Variants in MAN1A1 observed in about 807,000 individuals in gnomAD.
MAN1A1 encodes the protein mannosyl-oligosaccharide 1,2-alpha-mannosidase IA.
MAN1A1 carries 29 observed loss-of-function variants against 70.8 expected under a neutral mutation model. The observed-to-expected ratio is 0.41, with a 90% CI of 0.31 to 0.56. The LOEUF (loss-of-function observed/expected upper bound fraction) is 0.56, where lower values mean the gene tolerates loss of function less well. MAN1A1 is among the 20% of genes least tolerant of loss of function. The pLI is 0.29. For missense variants in MAN1A1, 747 were observed against 841.3 expected (o/e 0.89, Z 1.39); for synonymous variants, 349 against 330.1 (o/e 1.06, Z -0.62).
intron 5 of MAN1A1, among the ~76,000 whole-genome samples, chr6:119,270,307 AT>A: frequency 6.6e-6 from 1 of 152,224 alleles, no homozygotes. Flanking sequence ...ATTTATGTAT[AT>A]TTAAAATACA....
intron 2 of MAN1A1, among the ~76,000 whole-genome samples, chr6:119,309,654 A>C (rs1465127076): frequency 1.3e-5 from 2 of 152,214 alleles, no homozygotes; most frequent in Non-Finnish European, 2.9e-5. Context: ...CTCACAAAAA[A>C]AGATAAACTG....
chr6:119,181,446 T>C (rs932229489), intron 11 of MAN1A1, among the ~76,000 whole-genome samples: 6 of 93,350 alleles, frequency 6.4e-5, no homozygotes, highest in African/African-American at 2.4e-4. Context: ...ATTCCTAAAA[T>C]ACATGTTTTT....
At chr6:119,213,337 C>A (rs989592308) in intron 6 of MAN1A1, among the ~76,000 whole-genome samples, 8 of 152,142 alleles carry the variant, frequency 5.3e-5, no homozygotes, top group Non-Finnish European at 7.4e-5. Flanking sequence ...CTTCTGCCTA[C>A]AACTTATGGT....
chr6:119,224,929 C>T (rs1440302253), intron 6 of MAN1A1, among the ~76,000 whole-genome samples: 3 of 151,952 alleles, frequency 2.0e-5, no homozygotes, highest in African/African-American at 7.3e-5. Context: ...GAGTTCAAGA[C>T]CAGCCTGCTC....
intron 10 of MAN1A1, among the ~76,000 whole-genome samples, chr6:119,188,829 T>G (rs949839875): frequency 1.3e-5 from 2 of 152,192 alleles, no homozygotes; most frequent in African/African-American, 4.8e-5. Context: ...CTTAATACAG[T>G]GTAAATGTTA....
chr6:119,264,734 T>G (rs952782302), intron 5 of MAN1A1, among the ~76,000 whole-genome samples: 1 of 152,172 alleles, frequency 6.6e-6, no homozygotes, highest in African/African-American at 2.4e-5. Context: ...TAATTATTGG[T>G]CCATAACACA....
At chr6:119,225,393 C>A (rs893294128) in intron 6 of MAN1A1, among the ~76,000 whole-genome samples, 1 of 149,018 alleles carries the variant, frequency 6.7e-6, no homozygotes, top group Admixed American at 6.7e-5. Context: ...AACCTTGTCT[C>A]TTAGAGAGAG....
chr6:119,240,096 T>G (rs1774961762), intron 6 of MAN1A1, among the ~76,000 whole-genome samples: 4 of 152,186 alleles, frequency 2.6e-5, no homozygotes, highest in Non-Finnish European at 5.9e-5. Flanking sequence ...GTAGTGGTCA[T>G]ATTTAACAAT....
At chr6:119,257,671 C>T (rs563647377) in intron 5 of MAN1A1, among the ~76,000 whole-genome samples, 1 of 152,082 alleles carries the variant, frequency 6.6e-6, no homozygotes, top group East Asian at 1.9e-4. Flanking sequence ...ATAAAAGTTA[C>T]ATGTCCTTCT....
intron 5 of MAN1A1, among the ~76,000 whole-genome samples, chr6:119,268,333 A>C (rs987883191): frequency 3.3e-5 from 5 of 152,206 alleles, no homozygotes; most frequent in African/African-American, 1.2e-4. Flanking sequence ...AATACAGGGA[A>C]GGAGCAAGGG....
At chr6:119,339,155 G>C (rs1229827310) in intron 2 of MAN1A1, among the ~76,000 whole-genome samples, 2 of 152,172 alleles carry the variant, frequency 1.3e-5, no homozygotes, top group African/African-American at 4.8e-5. Context: ...AATTCACAAA[G>C]AATCAACAGA....
intron 5 of MAN1A1, among the ~76,000 whole-genome samples, chr6:119,265,374 T>C (rs1361114903): frequency 3.9e-5 from 6 of 152,120 alleles, no homozygotes; most frequent in East Asian, 1.9e-4. Flanking sequence ...TCTGGGATCA[T>C]AGGCATGAGC....
intron 11 of MAN1A1, among the ~76,000 whole-genome samples, chr6:119,186,551 T>C (rs1488939724): frequency 6.6e-6 from 1 of 152,204 alleles, no homozygotes; most frequent in Admixed American, 6.5e-5. Flanking sequence ...GAAAGAAGAC[T>C]GGGACAGTTA....
intron 6 of MAN1A1, among the ~76,000 whole-genome samples, chr6:119,230,615 T>C (rs556510771): frequency 6.6e-6 from 1 of 152,360 alleles, no homozygotes; most frequent in East Asian, 1.9e-4. Flanking sequence ...GAAATGTTTT[T>C]GTGATTAACT....
intron 7 of MAN1A1, among the ~76,000 whole-genome samples, chr6:119,204,365 T>A (rs1773800695): frequency 6.6e-6 from 1 of 152,124 alleles, no homozygotes; most frequent in Non-Finnish European, 1.5e-5. Flanking sequence ...AAATATTTGG[T>A]TTGCTTTCGG....
intron 2 of MAN1A1, among the ~76,000 whole-genome samples, chr6:119,308,391 ATACAT>A (rs1445888027): frequency 6.6e-6 from 1 of 152,164 alleles, no homozygotes; most frequent in Admixed American, 6.6e-5. Context: ...TTTTTTTCTT[ATACAT>A]TAATTTTGTT....
At chr6:119,318,995 A>AT (rs1185637035) in intron 2 of MAN1A1, among the ~76,000 whole-genome samples, 1 of 152,246 alleles carries the variant, frequency 6.6e-6, no homozygotes. Flanking sequence ...CATTGCCACT[A>AT]AATGGCAATA....
intron 4 of MAN1A1, among the ~76,000 whole-genome samples, chr6:119,300,461 G>A (rs1176518192): frequency 6.6e-6 from 1 of 151,834 alleles, no homozygotes; most frequent in Non-Finnish European, 1.5e-5. Context: ...TCACCATGTT[G>A]GCCAGGCTGG....
chr6:119,229,180 T>C (rs1325786249), intron 6 of MAN1A1, among the ~76,000 whole-genome samples: 2 of 149,002 alleles, frequency 1.3e-5, no homozygotes, highest in East Asian at 2.0e-4. Context: ...ACAACAATTA[T>C]CAGAATCAGT....
Sources: allele counts gnomAD v4.1 joint callset (sites outside exome capture counted in the v4.1 genomes callset), GRCh38; gene constraint gnomAD v4.1.1; transcripts MANE v1.5; gene names NCBI Gene and HGNC (gene_info 2026-07-23, HGNC 2026-07-21).